DGKK: variants seen among roughly 807,000 people sequenced by gnomAD.
DGKK encodes the protein diacylglycerol kinase kappa.
In DGKK, 35 loss-of-function variants were observed where a neutral mutation model predicts 92.2. The observed-to-expected ratio is 0.38, with a 90% CI of 0.29 to 0.50. The LOEUF is 0.50. Ranked by LOEUF, DGKK falls within the 20% of genes least tolerant of loss-of-function variation. The probability of loss-of-function intolerance (pLI) is 0.92; values close to 1 mark genes in which losing one functional copy is unlikely to be tolerated. For missense variants in DGKK, 910 were observed against 992.2 expected, an observed-to-expected ratio of 0.92 and a Z score of 1.11; for synonymous variants, 368 against 360.6, an observed-to-expected ratio of 1.02 and a Z score of -0.23.
intron 13 of DGKK, 66 bp from the exon 14 acceptor site, chrX:50,387,719 T>C (rs67155896): frequency 0.26 from 191,978 of 749,044 alleles, 18,770 homozygotes; most frequent in Admixed American, 0.42. Context: ...TTCTCTCTTA[T>C]GTCATCAGTC....
Position 50,402,254 on chromosome X carries a change from A to T in DGKK, c.1308+807T>A, listed in dbSNP as rs1033420318. 4.5e-5 allele frequency among the ~76,000 whole-genome samples: 5 copies of T among 110,778 alleles called. No homozygotes were observed. In the East Asian group the frequency reaches 1.4e-3, roughly 32 times the overall value. On this transcript the variant is annotated intron_variant, in intron 7 of 27. Coordinates refer to ENST00000611977, the MANE Select transcript of DGKK (RefSeq NM_001013742.4). ...AAGACTCCGTCTCTACAAAAAAATTAAAAAATTAGCTGGGCATGGTGGCAT... is the reference window on the plus strand; with the variant it reads ...AAGACTCCGTCTCTACAAAAAAATTTAAAAATTAGCTGGGCATGGTGGCAT...
At chrX:50,468,095 G>C (rs1926955101) in intron 1 of DGKK, among the ~76,000 whole-genome samples, 2 of 112,083 alleles carry the variant, frequency 1.8e-5, no homozygotes, top group Non-Finnish European at 3.8e-5. Flanking sequence ...TGGGCACTAC[G>C]TAGAGGAAAC....
rs781835596 is a variant in DGKK at position 50,387,644 on chromosome X, A to G, written c.2028T>C (p.Cys676=). Residue 676 remains cysteine, a synonymous_variant, in exon 14 of 28, where the codon TGT becomes TGC. Transcript: ENST00000611977. ...CAACCACAAAATCTTCCACAGCTGA[A>G]CACAAGAATCTGGAAAGATAAAATA... ...TEMIIATRFL[C]SAVEDFVVDI... is the part of the protein sequence containing the mutation. The G allele has an allele frequency of 1.7e-6, 2 of 1,197,856 alleles. No homozygotes were observed. The highest frequency in any genetic ancestry group is 2.3e-6 in the Non-Finnish European group (2 of 884,047).
Position 50,371,757 on chromosome X carries a change from C to A in DGKK, c.3579G>T (p.Glu1193Asp), listed in dbSNP as rs1015355117. ...CAAAGATTGGATTCATCCAGTCAAT[C>A]TCAGATAGCTTTTTGAACTCCTTAT... ...AMNKEFKKLSEIDWMNPIFVP... is the reference protein window; with the variant it reads ...AMNKEFKKLSDIDWMNPIFVP... Residue 1193 changes from glutamate to aspartate, a missense_variant, in exon 26 of 28, where the codon GAG becomes GAT. Coordinates refer to ENST00000611977, the MANE Select transcript of DGKK (RefSeq NM_001013742.4). 4.1e-6 allele frequency: 5 copies of A among 1,205,546 alleles called. No homozygotes were observed. Among genetic ancestry groups the A allele is most frequent in the African/African-American group, 3.5e-5 (2 of 57,144 alleles).
At chrX:50,444,667 C>T (rs1463712206) in intron 1 of DGKK, among the ~76,000 whole-genome samples, 3 of 109,999 alleles carry the variant, frequency 2.7e-5, no homozygotes, top group Admixed American at 9.7e-5. Flanking sequence ...TATGTATGTG[C>T]TACATTTTCT....
At chrX:50,434,264 G>T (rs1418971547) in intron 1 of DGKK, among the ~76,000 whole-genome samples, 1 of 111,887 alleles carries the variant, frequency 8.9e-6, no homozygotes, top group Non-Finnish European at 1.9e-5. Context: ...GAAGAGATTT[G>T]TTTCTGGCTG....
chrX:50,462,969 T>A (rs185772333), intron 1 of DGKK, among the ~76,000 whole-genome samples: 31 of 87,667 alleles, frequency 3.5e-4, no homozygotes, highest in African/African-American at 1.3e-3. Context: ...TAGGGTGAGA[T>A]TGGGTACATA....
chrX:50,373,579 A>G (rs1557223504), intron 25 of DGKK, among the ~76,000 whole-genome samples: 4 of 112,421 alleles, frequency 3.6e-5, no homozygotes, highest in African/African-American at 9.7e-5. Context: ...ATGTTGTCTG[A>G]GGCTCAAAGA....
At chrX:50,369,105 A>G in intron 27 of DGKK, 86 bp from the exon 28 acceptor site, 1 of 703,272 alleles carries the variant, frequency 1.4e-6, no homozygotes, top group Non-Finnish European at 2.1e-6. Context: ...GAGAGCAAAA[A>G]GTCTGTTAGA....
intron 1 of DGKK, among the ~76,000 whole-genome samples, chrX:50,425,359 A>T (rs782766548): frequency 6.3e-4 from 69 of 109,358 alleles, no homozygotes; most frequent in East Asian, 2.3e-3. Context: ...CTTTTTTTTT[A>T]AAAAAAATTA....
chrX:50,393,395 G>T, intron 8 of DGKK, 60 bp from the exon 9 acceptor site: 1 of 970,837 alleles, frequency 1.0e-6, no homozygotes, highest in East Asian at 3.1e-5. Context: ...ATGGAAACGA[G>T]ACATGACTTA....
chrX:50,369,278 C>G (rs782714654), intron 27 of DGKK, among the ~76,000 whole-genome samples: 9 of 110,629 alleles, frequency 8.1e-5, no homozygotes, highest in Non-Finnish European at 1.3e-4. Flanking sequence ...TTTGCAAACA[C>G]TATTGTCTCC....
chrX:50,438,193 C>A (rs782729307), intron 1 of DGKK, among the ~76,000 whole-genome samples: 2 of 110,939 alleles, frequency 1.8e-5, no homozygotes, highest in South Asian at 7.7e-4. Flanking sequence ...AATTGAAACA[C>A]AAATACCATG....
chrX:50,449,400 G>T (rs1557232289), intron 1 of DGKK, among the ~76,000 whole-genome samples: 1 of 111,545 alleles, frequency 9.0e-6, no homozygotes, highest in South Asian at 3.8e-4. Flanking sequence ...AGAAGCCTTG[G>T]TTGAAACATC....
At position 50,370,492 on chromosome X, in the gene DGKK, A is replaced by G. The variant is rs999338085; in HGVS notation, c.3670T>C (p.Leu1224=). Residue 1224 remains leucine (L), a synonymous_variant, in exon 27 of 28, where the codon TTG becomes CTG. Coordinates refer to ENST00000611977, the MANE Select transcript of DGKK (RefSeq NM_001013742.4). ...TCCTCTTCTACCTTTTTCTTTCCCA[A>G]TTTGGGGAACTTAATTTTCAGCCTG... ...SLRLKIKFPK[L]GKKKVEEERK... is the part of the protein sequence containing the mutation. The G allele has an allele frequency of 4.2e-6, 5 of 1,193,000 alleles. No homozygotes were observed. In the African/African-American group the frequency reaches 7.0e-5, roughly 17 times the overall value.
At chrX:50,401,942 T>C (rs1925016788) in intron 7 of DGKK, among the ~76,000 whole-genome samples, 1 of 111,412 alleles carries the variant, frequency 9.0e-6, no homozygotes, top group Non-Finnish European at 1.9e-5. Context: ...CTGTGCATTG[T>C]AGGAGGTTCA....
rs140055588 is a variant in DGKK, at chrX:50,388,237, T to C, written c.2018+290A>G. On this transcript the variant is annotated intron_variant, in intron 13 of 27. Coordinates refer to ENST00000611977, the MANE Select transcript of DGKK (RefSeq NM_001013742.4). Reference sequence around the variant, plus strand: ...GACGGAAAGCAAGGTGTCTATACTATAGGGAGCTATGCTATGCTCCTAAAT... The same window carrying C: ...GACGGAAAGCAAGGTGTCTATACTACAGGGAGCTATGCTATGCTCCTAAAT... Among the ~76,000 whole-genome samples, 3 of 112,166 alleles carry C rather than the reference T, an allele frequency of 2.7e-5. No individual in the cohort carries two copies. The East Asian group carries it at 8.5e-4, about 32-fold the overall frequency.
chrX:50,380,157 A>AT (rs1202115676), intron 18 of DGKK, 80 bp from the exon 19 acceptor site: 25 of 834,310 alleles, frequency 3.0e-5, no homozygotes, highest in Non-Finnish European at 4.1e-5. Context: ...AAGGAAAACC[A>AT]TCTTACTTCT....
chrX:50,399,374 T>C (rs782766876), intron 8 of DGKK, among the ~76,000 whole-genome samples: 136 of 112,148 alleles, frequency 1.2e-3, no homozygotes, highest in African/African-American at 4.2e-3. Flanking sequence ...AAGGAAACCA[T>C]CTACTCTTCT....
Sources: gnomAD v4.1 joint callset for allele counts (sites outside exome capture counted in the v4.1 genomes callset) on GRCh38, gnomAD v4.1.1 for gene constraint, MANE v1.5 for transcripts, NCBI Gene and HGNC (gene_info 2026-07-23, HGNC 2026-07-21) for gene names.